Variants in EYA4 observed in about 807,000 individuals in gnomAD.
EYA4 encodes the protein EYA transcriptional coactivator and phosphatase 4.
In EYA4, 31 loss-of-function variants were observed where a neutral mutation model predicts 87.9. The ratio of observed to expected loss-of-function variants is 0.35; its 90% CI spans 0.27 to 0.48. The LOEUF (loss-of-function observed/expected upper bound fraction) is 0.48. Among genes scored for constraint, EYA4 ranks in the 20% least tolerant of loss-of-function variants. EYA4 has a pLI of 0.99. For synonymous variants in EYA4, 263 were observed against 270.6 expected (o/e 0.97, Z 0.28); for missense variants, 678 against 761.4 (o/e 0.89, Z 1.29).
At chr6:133,509,399 T>C (rs1798933563) in intron 14 of EYA4, among the ~76,000 whole-genome samples, 1 of 141,580 alleles carries the variant, frequency 7.1e-6, no homozygotes, top group South Asian at 2.2e-4. Flanking sequence ...GGTGCTTTTC[T>C]TAAAAAAAAA....
At chr6:133,277,181 C>A (rs1030440636) in intron 2 of EYA4, among the ~76,000 whole-genome samples, 6 of 152,174 alleles carry the variant, frequency 3.9e-5, no homozygotes, top group Non-Finnish European at 1.5e-5. Context: ...ATTTGTGGCA[C>A]ATGCACACTG....
chr6:133,404,315 C>T (rs1788518651), intron 3 of EYA4, among the ~76,000 whole-genome samples: 1 of 152,174 alleles, frequency 6.6e-6, no homozygotes, highest in South Asian at 2.1e-4. Flanking sequence ...TCCCCAGTTA[C>T]CAAAGCGATT....
chr6:133,325,730 C>T (rs544239142), intron 2 of EYA4, among the ~76,000 whole-genome samples: 6 of 152,074 alleles, frequency 3.9e-5, no homozygotes, highest in Non-Finnish European at 8.8e-5. Context: ...TTGTAAGGGG[C>T]AAGGTAGTAA....
At chr6:133,274,064 T>C (rs1776962989) in intron 1 of EYA4, among the ~76,000 whole-genome samples, 1 of 152,190 alleles carries the variant, frequency 6.6e-6, no homozygotes, top group Admixed American at 6.5e-5. Flanking sequence ...GTTTTTCAAC[T>C]TTAATTCATT....
chr6:133,281,995 AC>A (rs1300612052), intron 2 of EYA4, among the ~76,000 whole-genome samples: 1 of 152,032 alleles, frequency 6.6e-6, no homozygotes, highest in Non-Finnish European at 1.5e-5. Flanking sequence ...TATATAAACC[AC>A]ATTTTCTTTA....
chr6:133,374,344 TC>T (rs951077485), intron 2 of EYA4, among the ~76,000 whole-genome samples: 1 of 151,854 alleles, frequency 6.6e-6, no homozygotes, highest in Non-Finnish European at 1.5e-5. Flanking sequence ...CTAACCTCCC[TC>T]CCCCAAACCA....
Position 133,385,378 on chromosome 6 carries a change from A to G in EYA4, c.83+2937A>G, listed in dbSNP as rs4895965. The stretch of plus-strand genomic sequence containing the variant: ...TTTTTTCTCTCTCCTCTGTGTGTGT[A>G]TGTATGCTCTCTCTGTGTGTGTGTG... On this transcript the variant is annotated intron_variant, in intron 3 of 19. Transcript: ENST00000355286. Among the ~76,000 whole-genome samples, 17 of 126,408 alleles carry G rather than the reference A, an allele frequency of 1.3e-4. 2 individuals are homozygous for G. The highest frequency in any genetic ancestry group is 9.8e-4 in the Admixed American group (12 of 12,290). 82.9% of individuals were successfully genotyped at this position (126,408 alleles called of 152,430 possible).
chr6:133,342,574 C>CAT (rs56987430), intron 2 of EYA4, among the ~76,000 whole-genome samples: 3,014 of 100,310 alleles, frequency 0.03, 71 homozygotes, highest in Non-Finnish European at 0.033. Context: ...TACACACTGC[C>CAT]ATATATATAT....
chr6:133,250,103 A>G (rs1229418012), intron 1 of EYA4, among the ~76,000 whole-genome samples: 1 of 152,196 alleles, frequency 6.6e-6, no homozygotes, highest in Non-Finnish European at 1.5e-5. Flanking sequence ...GACTATTACA[A>G]GGTGGGACTA....
chr6:133,380,966 C>A (rs1270656845), intron 2 of EYA4, among the ~76,000 whole-genome samples: 1 of 148,958 alleles, frequency 6.7e-6, no homozygotes, highest in Admixed American at 6.8e-5. Flanking sequence ...CCTCCTCCTC[C>A]TCTTCTTTCT....
chr6:133,391,222 G>GGTTTTTTTTTTTT (rs1554246225), intron 3 of EYA4, among the ~76,000 whole-genome samples: 3 of 89,830 alleles, frequency 3.3e-5, no homozygotes, highest in African/African-American at 9.9e-5. Context: ...TTTTGTTTTT[G>GGTTTTTTTTTTTT]TTTTTTTTTT....
chr6:133,264,619 G>A (rs527344306), intron 1 of EYA4, among the ~76,000 whole-genome samples: 33 of 152,340 alleles, frequency 2.2e-4, no homozygotes, highest in African/African-American at 7.9e-4. Flanking sequence ...TGGGCAGGGA[G>A]TCAGTGACAA....
chr6:133,262,259 G>T (rs1440891294), intron 1 of EYA4, among the ~76,000 whole-genome samples: 1 of 152,206 alleles, frequency 6.6e-6, no homozygotes, highest in African/African-American at 2.4e-5. Context: ...CTGAGAAAAA[G>T]GCAGATTGCT....
chr6:133,317,265 CT>C (rs1189414080), intron 2 of EYA4, among the ~76,000 whole-genome samples: 1 of 152,168 alleles, frequency 6.6e-6, no homozygotes, highest in Non-Finnish European at 1.5e-5. Flanking sequence ...GTGTGCAGAT[CT>C]TCATGATGCT....
chr6:133,485,370 A>G (rs1296653396), intron 13 of EYA4, among the ~76,000 whole-genome samples: 1 of 152,192 alleles, frequency 6.6e-6, no homozygotes, highest in Non-Finnish European at 1.5e-5. Flanking sequence ...ACCATTATGG[A>G]AGGCTCATGA....
chr6:133,348,414 G>A (rs530490832), intron 2 of EYA4, among the ~76,000 whole-genome samples: 3 of 151,662 alleles, frequency 2.0e-5, no homozygotes, highest in South Asian at 4.2e-4. Flanking sequence ...GCTGGCATGC[G>A]CCACCATGCC....
chr6:133,449,640 G>A (rs1199812442), intron 5 of EYA4, among the ~76,000 whole-genome samples: 2 of 152,168 alleles, frequency 1.3e-5, no homozygotes, highest in African/African-American at 2.4e-5. Flanking sequence ...CCTTGAACAA[G>A]TTACTTAAGC....
At chr6:133,301,607 A>T (rs1004738034) in intron 2 of EYA4, among the ~76,000 whole-genome samples, 1 of 152,238 alleles carries the variant, frequency 6.6e-6, no homozygotes, top group Non-Finnish European at 1.5e-5. Flanking sequence ...ATATTCACAC[A>T]ATTGTATAAA....
intron 3 of EYA4, among the ~76,000 whole-genome samples, chr6:133,394,671 G>A (rs2128502333): frequency 6.6e-6 from 1 of 152,218 alleles, no homozygotes; most frequent in Admixed American, 6.5e-5. Flanking sequence ...TAAATTCTAA[G>A]TGAAGGAATA....
Sources: gnomAD v4.1 joint callset for allele counts (sites outside exome capture counted in the v4.1 genomes callset) on GRCh38, gnomAD v4.1.1 for gene constraint, MANE v1.5 for transcripts, NCBI Gene and HGNC (gene_info 2026-07-23, HGNC 2026-07-21) for gene names.